The following LYZL1 variants were observed in gnomAD, a reference collection of about 807,000 sequenced individuals.
The protein encoded by LYZL1 is lysozyme like 1.
LYZL1 carries 16 observed loss-of-function variants against 17.9 expected under a neutral mutation model. The observed-to-expected ratio is 0.90, with a 90% CI of 0.61 to 1.36. LYZL1 has a LOEUF of 1.36. Ranked by LOEUF, LYZL1 falls within the 40% of genes most tolerant of loss-of-function variation. The pLI, the probability that LYZL1 is intolerant of heterozygous loss-of-function variation, is 0.00. For synonymous variants in LYZL1, 58 were observed against 71.8 expected (o/e 0.81, Z 0.97); for missense variants, 149 against 188.4 (o/e 0.79, Z 1.22).
chr10:29,302,945 T>C (rs1034477876), intron 3 of LYZL1, among the ~76,000 whole-genome samples: 9 of 152,174 alleles, frequency 5.9e-5, no homozygotes, highest in African/African-American at 2.2e-4. Flanking sequence ...GTTTTTAGGG[T>C]AGGGCTAGTT....
In LYZL1 at chr10:29,293,134, CT is replaced by C. The variant is rs11453474; in HGVS notation, c.298+473del. Among the ~76,000 whole-genome samples the C allele has an allele frequency of 5.3e-3, 646 of 120,992 alleles. 12 individuals carry two copies. Among genetic ancestry groups the C allele is most frequent in the African/African-American group, 0.017 (551 of 32,264 alleles). 79.4% of individuals were successfully genotyped at this position (120,992 alleles called of 152,430 possible). On this transcript the variant is annotated intron_variant, in intron 3 of 4. Coordinates refer to ENST00000649382, the MANE Select transcript of LYZL1 (RefSeq NM_032517.6). ...TTTTTTTTCTTTTCTTTTCTTTTTT[CT>C]TTTTTTTTTTTTTTTGAGACAGGGT...
At chr10:29,298,486 G>T (rs991983529) in intron 3 of LYZL1, among the ~76,000 whole-genome samples, 1 of 152,152 alleles carries the variant, frequency 6.6e-6, no homozygotes, top group East Asian at 1.9e-4. Context: ...AACTGTGTGC[G>T]TTGGCCTCTG....
chr10:29,289,807 G>A (rs1835336769), intron 1 of LYZL1, among the ~76,000 whole-genome samples: 1 of 152,106 alleles, frequency 6.6e-6, no homozygotes. Flanking sequence ...TCTCTGAAAA[G>A]GGCCAGATAA....
chr10:29,310,906 G>A, intron 4 of LYZL1, 84 bp from the exon 5 acceptor site: 2 of 1,603,542 alleles, frequency 1.2e-6, no homozygotes, highest in African/African-American at 1.3e-5. Flanking sequence ...TGGCGATTTT[G>A]GTTAATTTCT....
chr10:29,304,335 A>T (rs1308017509), intron 3 of LYZL1, among the ~76,000 whole-genome samples: 1 of 152,168 alleles, frequency 6.6e-6, no homozygotes, highest in African/African-American at 2.4e-5. Context: ...CTCTCTATCT[A>T]GTGTAGTCTA....
chr10:29,316,541 T>C (rs983522872), intron 3 of LYZL1, among the ~76,000 whole-genome samples: 7 of 152,328 alleles, frequency 4.6e-5, no homozygotes, highest in African/African-American at 1.7e-4. Flanking sequence ...ATGGAGACAT[T>C]GTTTTACTCA....
intron 3 of LYZL1, among the ~76,000 whole-genome samples, chr10:29,295,064 G>C (rs1386472939): frequency 2.6e-5 from 4 of 152,180 alleles, no homozygotes; most frequent in African/African-American, 9.6e-5. Flanking sequence ...TATTGTACAA[G>C]ATAATCAGTA....
chr10:29,310,172 C>CAA lies in LYZL1; in HGVS notation c.362_363dup (p.Gly122LysfsTer3). 6.2e-7 allele frequency: 1 copy of CAA among 1,608,684 alleles called. No individual in the cohort carries two copies. The highest frequency in any genetic ancestry group is 2.2e-5 in the East Asian group (1 of 44,836). On this transcript the variant is annotated frameshift_variant, in exon 4 of 5. Transcript: ENST00000649382. LOFTEE classifies it high-confidence loss of function. Reference sequence around the variant, plus strand: ...TGCCAGGAAAATTGTTAAAGAGACACAAGGAATGAACTATTGGTAAGAGTG... The same window carrying CAA: ...TGCCAGGAAAATTGTTAAAGAGACACAAAAGGAATGAACTATTGGTAAGAGTG...
chr10:29,309,916 C>T (rs747333063), intron 3 of LYZL1, among the ~76,000 whole-genome samples, 194 bp from the exon 4 acceptor site: 31 of 152,154 alleles, frequency 2.0e-4, no homozygotes, highest in Non-Finnish European at 7.3e-5. Context: ...AAGATGAAAA[C>T]GGTCTTAAAA....
chr10:29,301,688 AT>A lies in LYZL1; in HGVS notation c.299-8418del, dbSNP rs375882115. ...TTTATCTTACTTGGCATTCATTAAC[AT>A]TTTGTACCCCTGAGTTTATAATTTT... On this transcript the variant is annotated intron_variant, in intron 3 of 4. Transcript: ENST00000649382. 4.2e-3 allele frequency among the ~76,000 whole-genome samples: 644 copies of A among 152,270 alleles called. 7 individuals are homozygous for A. The highest frequency in any genetic ancestry group is 0.014 in the African/African-American group (593 of 41,548).
rs1030872116 is a variant in LYZL1 at position 29,317,399 on chromosome 10, G to A, written c.*89G>A. The A allele has an allele frequency of 2.6e-5, 4 of 152,262 alleles. No homozygotes were observed. The East Asian group carries it at 7.7e-4, about 29-fold the overall frequency. 9.4% of individuals were successfully genotyped at this position (152,262 alleles called of 1,614,324 possible). On this transcript the variant is annotated 3_prime_UTR_variant and NMD_transcript_variant, in exon 4 of 5. Transcript: ENST00000494304. Reference sequence around the variant, plus strand: ...TCAAATCAAGACTAGAAGTATGAAAGCCAATCACAATTTCCCAACAATTAG... The same window carrying A: ...TCAAATCAAGACTAGAAGTATGAAAACCAATCACAATTTCCCAACAATTAG...
chr10:29,304,940 C>T (rs2132830036), intron 3 of LYZL1, among the ~76,000 whole-genome samples: 1 of 152,266 alleles, frequency 6.6e-6, no homozygotes, highest in East Asian at 1.9e-4. Context: ...CTTCCTGGTC[C>T]AATATGGCCC....
downstream of LYZL1, among the ~76,000 whole-genome samples, chr10:29,311,759 C>G (rs926049996): frequency 6.6e-6 from 1 of 151,160 alleles, no homozygotes; most frequent in Non-Finnish European, 1.5e-5. Flanking sequence ...GGGTGGATCA[C>G]TTGAAGTCAG....
intron 3 of LYZL1, among the ~76,000 whole-genome samples, chr10:29,307,313 T>G (rs1202775904): frequency 1.3e-5 from 2 of 152,190 alleles, no homozygotes; most frequent in Non-Finnish European, 2.9e-5. Context: ...ACTTTCTGCT[T>G]TTATGAGTTC....
chr10:29,307,628 A>G (rs763040802), intron 3 of LYZL1, among the ~76,000 whole-genome samples: 13 of 152,254 alleles, frequency 8.5e-5, no homozygotes, highest in Non-Finnish European at 1.6e-4. Context: ...TTGCATTGGG[A>G]GCATTTCCCC....
chr10:29,289,417 C>CTTTTTTTTTTTT (rs11347424), intron 1 of LYZL1, among the ~76,000 whole-genome samples, 187 bp downstream of exon 1: 4 of 128,718 alleles, frequency 3.1e-5, no homozygotes, highest in African/African-American at 3.1e-5. Flanking sequence ...TTTTTCTTTT[C>CTTTTTTTTTTTT]TTTTTTTTTT....
chr10:29,292,750 T>C lies in LYZL1; in HGVS notation c.298+73T>C, dbSNP rs1835392003. On this transcript the variant is annotated intron_variant, in intron 3 of 4. Transcript: ENST00000649382. ...AAGCCGACAATGGGATCACCAACCA[T>C]GTCTTGCTTTAACTAAAATTTGGAG... 1.4e-5 allele frequency: 21 copies of C among 1,538,576 alleles called. 1 individual carries two copies. In the South Asian group the frequency reaches 2.6e-4, roughly 19 times the overall value.
rs180953816 is a variant in LYZL1, at chr10:29,292,141, A to G, written c.139+135A>G. 1,845 of 1,331,718 alleles carry G rather than the reference A, an allele frequency of 1.4e-3. 17 individuals are homozygous for G. The East Asian group carries it at 0.016, about 12-fold the overall frequency. The allele number at this position is 1,331,718 out of a possible 1,614,324, so 82.5% of individuals were successfully genotyped here. On this transcript the variant is annotated intron_variant, in intron 2 of 4. Coordinates refer to ENST00000649382, the MANE Select transcript of LYZL1 (RefSeq NM_032517.6). ...CTCACCGCACTCAGGGGTGGCTGCT[A>G]GCCTAACTGTGGCTCTCTGGGTCTC...
chr10:29,297,440 G>A (rs546228802), intron 3 of LYZL1, among the ~76,000 whole-genome samples: 2 of 152,162 alleles, frequency 1.3e-5, no homozygotes, highest in African/African-American at 4.8e-5. Context: ...GCTTTCCATA[G>A]TTTCAGTTAC....
Sources: allele counts gnomAD v4.1 joint callset (sites outside exome capture counted in the v4.1 genomes callset), GRCh38; gene constraint gnomAD v4.1.1; transcripts MANE v1.5; gene names NCBI Gene and HGNC (gene_info 2026-07-23, HGNC 2026-07-21).